Variants in ANGPT1 observed in about 807,000 individuals in gnomAD.
ANGPT1 encodes angiopoietin-1.
ANGPT1 carries 17 observed loss-of-function variants against 62.2 expected under a neutral mutation model. That is an observed-to-expected ratio of 0.27 (90% CI 0.19 to 0.41). ANGPT1 has a LOEUF of 0.41. Ranked by LOEUF, ANGPT1 falls within the 10% of genes least tolerant of loss-of-function variation. The pLI is 1.00. For missense variants in ANGPT1, 478 were observed against 594.9 expected (o/e 0.80, Z 2.04); for synonymous variants, 199 against 198.9 (o/e 1.00, Z 0.00).
chr8:107,416,614 T>G (rs1810754465), intron 1 of ANGPT1, among the ~76,000 whole-genome samples: 1 of 152,066 alleles, frequency 6.6e-6, no homozygotes. Context: ...GACAACCATG[T>G]AGAAGTGTGA....
At chr8:107,283,263 A>G (rs577290583) in intron 7 of ANGPT1, among the ~76,000 whole-genome samples, 1 of 152,200 alleles carries the variant, frequency 6.6e-6, no homozygotes, top group African/African-American at 2.4e-5. Context: ...CCTTGGAAAC[A>G]TTTCTTCTTA....
At chr8:107,289,357 T>C (rs1005635308) in intron 6 of ANGPT1, among the ~76,000 whole-genome samples, 2 of 152,196 alleles carry the variant, frequency 1.3e-5, no homozygotes, top group African/African-American at 4.8e-5. Flanking sequence ...TTGTCTCTGA[T>C]ACTTTATTTG....
chr8:107,397,245 T>A (rs1816954356), intron 1 of ANGPT1, among the ~76,000 whole-genome samples: 1 of 152,200 alleles, frequency 6.6e-6, no homozygotes, highest in African/African-American at 2.4e-5. Context: ...GTTTCTCATG[T>A]CTTTCTCCTT....
intron 1 of ANGPT1, among the ~76,000 whole-genome samples, chr8:107,431,747 A>G (rs1256969416): frequency 7.0e-6 from 1 of 142,250 alleles, no homozygotes; most frequent in Non-Finnish European, 1.5e-5. Flanking sequence ...TTTTTTTTTT[A>G]TCATCAAAGT....
At chr8:107,478,607 A>G (rs2130514981) in intron 1 of ANGPT1, among the ~76,000 whole-genome samples, 1 of 152,300 alleles carries the variant, frequency 6.6e-6, no homozygotes, top group Middle Eastern at 3.4e-3. Flanking sequence ...CTTATATTGT[A>G]CAATACACAT....
At chr8:107,318,111 G>A (rs1815063698) in intron 4 of ANGPT1, among the ~76,000 whole-genome samples, 1 of 152,118 alleles carries the variant, frequency 6.6e-6, no homozygotes, top group Non-Finnish European at 1.5e-5. Flanking sequence ...TAACACTGAG[G>A]GCAATATTTC....
At chr8:107,329,842 A>G (rs1157737353) in intron 3 of ANGPT1, among the ~76,000 whole-genome samples, 1 of 152,044 alleles carries the variant, frequency 6.6e-6, no homozygotes, top group Non-Finnish European at 1.5e-5. Context: ...AAAATAAAAC[A>G]CATTCTCTGT....
At chr8:107,268,980 G>A (rs911494724) in intron 7 of ANGPT1, among the ~76,000 whole-genome samples, 3 of 152,062 alleles carry the variant, frequency 2.0e-5, no homozygotes, top group African/African-American at 7.2e-5. Context: ...CAGAGGAGCG[G>A]CTTATGCTCT....
At chr8:107,306,222 C>T (rs1814713439) in intron 4 of ANGPT1, among the ~76,000 whole-genome samples, 1 of 152,008 alleles carries the variant, frequency 6.6e-6, no homozygotes, top group Non-Finnish European at 1.5e-5. Context: ...CTGCTGTCTT[C>T]CACCTTCTAA....
intron 7 of ANGPT1, among the ~76,000 whole-genome samples, chr8:107,280,976 C>T (rs1023175212): frequency 6.6e-6 from 1 of 152,148 alleles, no homozygotes; most frequent in Non-Finnish European, 1.5e-5. Context: ...AATAATTTCA[C>T]ATTGATACAT....
chr8:107,306,568 A>G (rs1314748748), intron 4 of ANGPT1, among the ~76,000 whole-genome samples: 1 of 152,164 alleles, frequency 6.6e-6, no homozygotes, highest in Non-Finnish European at 1.5e-5. Context: ...TCATGCATAG[A>G]TATTATAAAA....
chr8:107,294,839 T>C (rs904640712), intron 5 of ANGPT1: 2 of 152,190 alleles, frequency 1.3e-5, no homozygotes, highest in African/African-American at 4.8e-5. Context: ...AATGGGATTA[T>C]CGTCGGAGAG....
chr8:107,432,585 A>G (rs1811219752), intron 1 of ANGPT1, among the ~76,000 whole-genome samples: 1 of 150,582 alleles, frequency 6.6e-6, no homozygotes, highest in South Asian at 2.1e-4. Context: ...AATGGCGTGA[A>G]CCCGGGAGGC....
chr8:107,254,079 T>C (rs540603479), intron 8 of ANGPT1, among the ~76,000 whole-genome samples: 1 of 152,182 alleles, frequency 6.6e-6, no homozygotes, highest in African/African-American at 2.4e-5. Flanking sequence ...CTCCTGTACT[T>C]AGTAGGACAC....
In ANGPT1 at chr8:107,251,837, G is replaced by T. The variant is rs1205930539; in HGVS notation, c.*18C>A. ...GGATTTCTTTGTTGCTTTCATAATCGCTTCTGACATTGCGCTTTCAAAAAT... is the reference window on the plus strand; with the variant it reads ...GGATTTCTTTGTTGCTTTCATAATCTCTTCTGACATTGCGCTTTCAAAAAT... On this transcript the variant is annotated 3_prime_UTR_variant, in exon 9 of 9. Coordinates refer to ENST00000517746, the MANE Select transcript of ANGPT1 (RefSeq NM_001146.5). The T allele has an allele frequency of 6.2e-7, 1 of 1,612,576 alleles. No homozygotes were observed. Among genetic ancestry groups the T allele is most frequent in the Admixed American group, 1.7e-5 (1 of 59,794 alleles).
chr8:107,253,247 T>A (rs955406504), intron 8 of ANGPT1, among the ~76,000 whole-genome samples: 1 of 152,190 alleles, frequency 6.6e-6, no homozygotes, highest in Non-Finnish European at 1.5e-5. Context: ...TAAATGTTAA[T>A]GTAGTCAAAA....
chr8:107,281,233 A>G (rs2130119350), intron 7 of ANGPT1, among the ~76,000 whole-genome samples: 1 of 152,282 alleles, frequency 6.6e-6, no homozygotes, highest in East Asian at 1.9e-4. Flanking sequence ...CACCACAGTT[A>G]GGTTTAAACA....
At chr8:107,328,734 T>A (rs568413079) in intron 3 of ANGPT1, among the ~76,000 whole-genome samples, 1 of 151,910 alleles carries the variant, frequency 6.6e-6, no homozygotes, top group Non-Finnish European at 1.5e-5. Context: ...CACAAAAACA[T>A]GCACAACTTA....
chr8:107,472,057 T>C (rs562294830), intron 1 of ANGPT1, among the ~76,000 whole-genome samples: 12 of 152,208 alleles, frequency 7.9e-5, no homozygotes, highest in African/African-American at 2.2e-4. Context: ...AGGAATACTT[T>C]ATAGGTATTT....
Sources: gnomAD v4.1 joint callset for allele counts (sites outside exome capture counted in the v4.1 genomes callset) on GRCh38, gnomAD v4.1.1 for gene constraint, MANE v1.5 for transcripts, NCBI Gene and HGNC (gene_info 2026-07-23, HGNC 2026-07-21) for gene names.